The following LHFPL2 variants were observed in gnomAD, a reference collection of about 807,000 sequenced individuals.
LHFPL2 encodes LHFPL tetraspan subfamily member 2, also known as LHFPL tetraspan subfamily member 2 protein.
LHFPL2 carries 7 observed loss-of-function variants against 17.5 expected under a neutral mutation model. The ratio of observed to expected loss-of-function variants is 0.40; its 90% CI spans 0.23 to 0.75. LHFPL2 has a LOEUF of 0.75. Ranked by LOEUF, LHFPL2 falls within the 30% of genes least tolerant of loss-of-function variation. The pLI, the probability that LHFPL2 is intolerant of heterozygous loss-of-function variation, is 0.37. For missense variants in LHFPL2, 241 were observed against 294.8 expected, an observed-to-expected ratio of 0.82 and a Z score of 1.34; for synonymous variants, 134 against 116.2, an observed-to-expected ratio of 1.15 and a Z score of -0.99.
intron 3 of LHFPL2, among the ~76,000 whole-genome samples, chr5:78,548,590 C>T (rs1415117860): frequency 1.3e-5 from 2 of 152,364 alleles, no homozygotes; most frequent in South Asian, 2.1e-4. Flanking sequence ...AAATCTTATT[C>T]AGCTGTCAGA....
intron 3 of LHFPL2, among the ~76,000 whole-genome samples, chr5:78,543,999 A>C (rs1366420627): frequency 6.6e-6 from 1 of 152,130 alleles, no homozygotes; most frequent in Non-Finnish European, 1.5e-5. Context: ...CCCAGGTGAG[A>C]GGGGCAGGCT....
chr5:78,558,389 G>T (rs1436885985), intron 3 of LHFPL2, among the ~76,000 whole-genome samples: 1 of 152,194 alleles, frequency 6.6e-6, no homozygotes, highest in African/African-American at 2.4e-5. Context: ...TCTCAGGAAG[G>T]ATCAGGAGGA....
chr5:78,596,467 C>T (rs889698383), intron 2 of LHFPL2, among the ~76,000 whole-genome samples: 1 of 152,216 alleles, frequency 6.6e-6, no homozygotes, highest in Non-Finnish European at 1.5e-5. Flanking sequence ...ATGAGTCTCA[C>T]AGTGCCCAGT....
At chr5:78,501,113 G>A (rs1754759087) in intron 4 of LHFPL2, among the ~76,000 whole-genome samples, 1 of 152,112 alleles carries the variant, frequency 6.6e-6, no homozygotes, top group Non-Finnish European at 1.5e-5. Flanking sequence ...TAAAACAGTG[G>A]TTCCTACACT....
At chr5:78,505,130 AAAAC>A (rs1210895451) in intron 4 of LHFPL2, among the ~76,000 whole-genome samples, 1 of 152,228 alleles carries the variant, frequency 6.6e-6, no homozygotes, top group Admixed American at 6.5e-5. Flanking sequence ...CGCATTTCCA[AAAAC>A]AAACTGCTTG....
At chr5:78,634,325 T>C (rs1580878091) in intron 1 of LHFPL2, among the ~76,000 whole-genome samples, 1 of 152,346 alleles carries the variant, frequency 6.6e-6, no homozygotes, top group African/African-American at 2.4e-5. Flanking sequence ...AGGGTGGCTG[T>C]GCTGCAGGAA....
chr5:78,498,200 A>C (rs925144393), intron 4 of LHFPL2, among the ~76,000 whole-genome samples: 2 of 152,230 alleles, frequency 1.3e-5, no homozygotes, highest in African/African-American at 4.8e-5. Context: ...CAGAGGATGC[A>C]GAACTGTTCT....
At chr5:78,524,239 G>T (rs1345820568) in intron 3 of LHFPL2, among the ~76,000 whole-genome samples, 1 of 152,198 alleles carries the variant, frequency 6.6e-6, no homozygotes. Flanking sequence ...CCCTTGGGCT[G>T]CTCAGTGAGG....
At chr5:78,501,802 G>C (rs1481309721) in intron 4 of LHFPL2, among the ~76,000 whole-genome samples, 2 of 152,170 alleles carry the variant, frequency 1.3e-5, no homozygotes, top group African/African-American at 4.8e-5. Context: ...TTTAGCTCCA[G>C]GGGCCAGATC....
At chr5:78,511,132 G>T (rs1056014676) in intron 3 of LHFPL2, among the ~76,000 whole-genome samples, 1 of 151,598 alleles carries the variant, frequency 6.6e-6, no homozygotes. Context: ...AAGAGTTCAT[G>T]ACTTACTTGG....
chr5:78,509,873 A>G lies in LHFPL2; in HGVS notation c.341T>C (p.Val114Ala). Residue 114 changes from valine (V) to alanine (A), a missense_variant, in exon 4 of 5, where the codon GTG becomes GCG. Coordinates refer to ENST00000380345, the MANE Select transcript of LHFPL2 (RefSeq NM_005779.3). ...LAVGIFILCM[V>A]ALVSVFTMCV... ...CATGGTGAAGACGGACACCAAGGCC[A>G]CCATGCAGAGAATAAAGATTCCCAC... 6 of 1,613,918 alleles carry G rather than the reference A, an allele frequency of 3.7e-6. No homozygotes were observed. Among genetic ancestry groups the G allele is most frequent in the Non-Finnish European group, 5.1e-6 (6 of 1,180,050 alleles).
chr5:78,527,163 T>G (rs533795069), intron 3 of LHFPL2, among the ~76,000 whole-genome samples: 60 of 152,330 alleles, frequency 3.9e-4, no homozygotes, highest in Admixed American at 2.2e-3. Context: ...TTTCCATTGC[T>G]GGCTCATGTC....
chr5:78,547,882 G>A (rs1756329197), intron 3 of LHFPL2, among the ~76,000 whole-genome samples: 1 of 152,214 alleles, frequency 6.6e-6, no homozygotes, highest in Admixed American at 6.5e-5. Context: ...GGAGGGTTGG[G>A]GCTGGAGCCA....
intron 3 of LHFPL2, among the ~76,000 whole-genome samples, chr5:78,548,817 A>C (rs1756358371): frequency 6.6e-6 from 1 of 152,170 alleles, no homozygotes; most frequent in Admixed American, 6.5e-5. Flanking sequence ...CTTGTTAACT[A>C]TTCACCTGAT....
chr5:78,594,269 T>C (rs925814792), intron 2 of LHFPL2, among the ~76,000 whole-genome samples: 4 of 152,182 alleles, frequency 2.6e-5, no homozygotes, highest in African/African-American at 7.2e-5. Flanking sequence ...TCCCCTATTT[T>C]TAGGGGGAGA....
At chr5:78,515,197 A>G (rs1360500881) in intron 3 of LHFPL2, among the ~76,000 whole-genome samples, 1 of 152,192 alleles carries the variant, frequency 6.6e-6, no homozygotes, top group Non-Finnish European at 1.5e-5. Context: ...ACCATGACTC[A>G]ATCACAGCTC....
At chr5:78,520,801 C>T (rs553771315) in intron 3 of LHFPL2, among the ~76,000 whole-genome samples, 2 of 149,626 alleles carry the variant, frequency 1.3e-5, no homozygotes, top group Non-Finnish European at 2.9e-5. Context: ...TACGGTCTTT[C>T]GGCTAACTGC....
At position 78,488,796 on chromosome 5, in the gene LHFPL2, T is replaced by C; in HGVS notation, c.*101A>G. On this transcript the variant is annotated 3_prime_UTR_variant, in exon 5 of 5. Coordinates refer to ENST00000380345, the MANE Select transcript of LHFPL2 (RefSeq NM_005779.3). ...TAAGCCTCGGGCCGTGGAACGTGGC[T>C]TTGGTAGGTAAAGGTTAGTTCTCCA... 1.4e-6 allele frequency: 2 copies of C among 1,392,812 alleles called. No individual in the cohort carries two copies. The highest frequency in any genetic ancestry group is 2.0e-6 in the Non-Finnish European group (2 of 1,013,024). 86.3% of individuals were successfully genotyped at this position (1,392,812 alleles called of 1,614,324 possible).
chr5:78,494,776 CAG>C (rs1361088012), intron 4 of LHFPL2, among the ~76,000 whole-genome samples: 9 of 152,226 alleles, frequency 5.9e-5, no homozygotes, highest in Non-Finnish European at 1.2e-4. Flanking sequence ...CAAGAATCTT[CAG>C]AGTTTCTTTG....
Sources: allele counts gnomAD v4.1 joint callset (sites outside exome capture counted in the v4.1 genomes callset), GRCh38; gene constraint gnomAD v4.1.1; transcripts MANE v1.5; gene names NCBI Gene and HGNC (gene_info 2026-07-23, HGNC 2026-07-21).